Variants in AHCYL2 observed in about 807,000 individuals in gnomAD.
AHCYL2 encodes the protein S-adenosylhomocysteine hydrolase-like protein 2.
A neutral mutation model predicts 81.4 loss-of-function variants in AHCYL2; 28 were observed. The ratio of observed to expected loss-of-function variants is 0.34; its 90% CI spans 0.25 to 0.47. AHCYL2 has a LOEUF of 0.47. AHCYL2 is among the 20% of genes least tolerant of loss of function. The pLI is 1.00. For missense variants in AHCYL2, 551 were observed against 785.1 expected (o/e 0.70, Z 3.56); for synonymous variants, 272 against 290.2 (o/e 0.94, Z 0.64).
chr7:129,389,027 TC>T (rs1184183869), intron 2 of AHCYL2, 28 bp from the exon 3 acceptor site: 2 of 1,582,256 alleles, frequency 1.3e-6, no homozygotes, highest in Admixed American at 2.0e-5. Flanking sequence ...TTTTTTTTTT[TC>T]CGAGTGTTTT....
At chr7:129,306,516 T>G (rs1797449360) in intron 1 of AHCYL2, among the ~76,000 whole-genome samples, 1 of 152,220 alleles carries the variant, frequency 6.6e-6, no homozygotes, top group South Asian at 2.1e-4. Context: ...CGAATTTCTT[T>G]GAGTTTCCTC....
At chr7:129,286,219 C>A (rs1796624532) in intron 1 of AHCYL2, among the ~76,000 whole-genome samples, 1 of 151,854 alleles carries the variant, frequency 6.6e-6, no homozygotes, top group African/African-American at 2.4e-5. Flanking sequence ...AGTTCTCAAA[C>A]TTTTTTGTCT....
chr7:129,341,283 A>G (rs565717200), intron 1 of AHCYL2, among the ~76,000 whole-genome samples: 10 of 152,318 alleles, frequency 6.6e-5, no homozygotes, highest in African/African-American at 2.4e-4. Flanking sequence ...GAACACAAAT[A>G]TATGGAGAAA....
At chr7:129,231,757 A>G (rs945414612) in intron 1 of AHCYL2, among the ~76,000 whole-genome samples, 1 of 152,240 alleles carries the variant, frequency 6.6e-6, no homozygotes, top group Non-Finnish European at 1.5e-5. Context: ...AGAGCAGAGC[A>G]GAAAGCGGCA....
intron 1 of AHCYL2, among the ~76,000 whole-genome samples, chr7:129,267,765 T>C (rs917699677): frequency 3.9e-5 from 6 of 152,092 alleles, no homozygotes; most frequent in African/African-American, 1.4e-4. Context: ...AGAGGGAATC[T>C]TGTGGGAGAG....
intron 1 of AHCYL2, among the ~76,000 whole-genome samples, chr7:129,314,478 C>G (rs892579943): frequency 6.6e-6 from 1 of 152,116 alleles, no homozygotes; most frequent in Non-Finnish European, 1.5e-5. Flanking sequence ...TCTCATAGTT[C>G]TGGAGACCAG....
chr7:129,429,072 C>T lies in AHCYL2; in HGVS notation c.*2027C>T, dbSNP rs751135879. ...CCAAAAATCATAACCTGCTGTTTCT[C>T]AGCAAAGCCTTGCTCTCTGGAGCTT... On this transcript the variant is annotated 3_prime_UTR_variant, in exon 17 of 17. Coordinates refer to ENST00000325006, the MANE Select transcript of AHCYL2 (RefSeq NM_015328.4). The T allele has an allele frequency of 3.3e-5, 5 of 152,224 alleles. No homozygotes were observed. The highest frequency in any genetic ancestry group is 1.2e-4 in the African/African-American group (5 of 41,456). 9.4% of individuals were successfully genotyped at this position (152,224 alleles called of 1,614,324 possible). A position where few individuals can be genotyped will look rare whatever the true frequency, so the allele number is the denominator to read the frequency against.
intron 1 of AHCYL2, among the ~76,000 whole-genome samples, chr7:129,273,539 G>A (rs1262382739): frequency 6.6e-6 from 1 of 151,238 alleles, no homozygotes; most frequent in African/African-American, 2.4e-5. Context: ...TGATGGTCAG[G>A]CTCGTCTCGA....
At chr7:129,365,918 T>C (rs1563213917) in intron 1 of AHCYL2, among the ~76,000 whole-genome samples, 1 of 151,988 alleles carries the variant, frequency 6.6e-6, no homozygotes, top group Non-Finnish European at 1.5e-5. Flanking sequence ...AGCAATAATG[T>C]TGATTGTAGA....
intron 1 of AHCYL2, among the ~76,000 whole-genome samples, chr7:129,227,674 T>G (rs1794278714): frequency 6.6e-6 from 1 of 151,670 alleles, no homozygotes; most frequent in Non-Finnish European, 1.5e-5. Flanking sequence ...CTGTTTTTCT[T>G]AATTCTAGAT....
At chr7:129,376,886 G>A (rs1341931805) in intron 1 of AHCYL2, among the ~76,000 whole-genome samples, 1 of 152,176 alleles carries the variant, frequency 6.6e-6, no homozygotes, top group Admixed American at 6.5e-5. Flanking sequence ...TTGGTGAAAC[G>A]GAAGCCAGAG....
In AHCYL2 at chr7:129,236,475, A is replaced by G. The variant is rs569902559; in HGVS notation, c.363+11036A>G. 2.0e-5 allele frequency among the ~76,000 whole-genome samples: 3 copies of G among 152,064 alleles called. No individual in the cohort carries two copies. In the East Asian group the frequency reaches 5.8e-4, roughly 29 times the overall value. ...CTCGGCCTCCCAAAGTGCTGGGATT[A>G]TAGGTGTGAGCCAATGTACCTGGCC... On this transcript the variant is annotated intron_variant, in intron 1 of 16. Coordinates refer to ENST00000325006, the MANE Select transcript of AHCYL2 (RefSeq NM_015328.4).
At chr7:129,387,152 G>A (rs1222073082) in intron 2 of AHCYL2, among the ~76,000 whole-genome samples, 1 of 152,130 alleles carries the variant, frequency 6.6e-6, no homozygotes, top group East Asian at 1.9e-4. Flanking sequence ...ACACATTACA[G>A]ATGTATTTTT....
At chr7:129,225,533 T>G in intron 1 of AHCYL2, 94 bp downstream of exon 1, 1 of 1,396,650 alleles carries the variant, frequency 7.2e-7, no homozygotes, top group South Asian at 1.6e-5. Context: ...CACGCCCTCC[T>G]TTCTGATCGC....
intron 1 of AHCYL2, among the ~76,000 whole-genome samples, chr7:129,321,772 G>GTT (rs1217148394): frequency 5.2e-5 from 6 of 114,412 alleles, no homozygotes; most frequent in East Asian, 2.6e-4. Context: ...TTTGGTCTTG[G>GTT]TTTTGTTTTT....
At chr7:129,243,009 ATTGT>A (rs1794917627) in intron 1 of AHCYL2, among the ~76,000 whole-genome samples, 1 of 127,204 alleles carries the variant, frequency 7.9e-6, no homozygotes, top group Non-Finnish European at 1.7e-5. Context: ...TATCGACTAT[ATTGT>A]TTCTCTTTTT....
In AHCYL2 at chr7:129,270,084, GT is replaced by G. The variant is rs1156236538; in HGVS notation, c.363+44648del. Reference sequence around the variant, plus strand: ...GTGTTTGGTAGAAGCAAGGTCAAAAGTTTACTGAAAAGAAAATGAAGCCCAT... The same window carrying G: ...GTGTTTGGTAGAAGCAAGGTCAAAAGTTACTGAAAAGAAAATGAAGCCCAT... On this transcript the variant is annotated intron_variant, in intron 1 of 16. Transcript: ENST00000325006. 4.6e-5 allele frequency among the ~76,000 whole-genome samples: 7 copies of G among 152,294 alleles called. No homozygotes were observed. The South Asian group carries it at 1.2e-3, about 27-fold the overall frequency.
chr7:129,381,930 A>G (rs1034109475), intron 2 of AHCYL2, among the ~76,000 whole-genome samples: 5 of 152,200 alleles, frequency 3.3e-5, no homozygotes, highest in African/African-American at 4.8e-5. Flanking sequence ...CATCACATGC[A>G]CTGTTACCTT....
chr7:129,265,710 A>G (rs1183076211), intron 1 of AHCYL2, among the ~76,000 whole-genome samples: 1 of 152,158 alleles, frequency 6.6e-6, no homozygotes, highest in African/African-American at 2.4e-5. Context: ...TTTAAATGAG[A>G]TAGAAAACCA....
Sources: allele counts gnomAD v4.1 joint callset (sites outside exome capture counted in the v4.1 genomes callset), GRCh38; gene constraint gnomAD v4.1.1; transcripts MANE v1.5; gene names NCBI Gene and HGNC (gene_info 2026-07-23, HGNC 2026-07-21).